Variants in SMIM43 observed in about 807,000 individuals in gnomAD.
SMIM43 encodes the protein Nodal Enhanced MEsendoderm Peptide.
In SMIM43 at chr4:121,761,809, CT is replaced by C. The variant is rs745920249; in HGVS notation, c.*341+20del. 1 of 1,612,520 alleles carries C rather than the reference CT, an allele frequency of 6.2e-7. No homozygotes were observed. Among genetic ancestry groups the C allele is most frequent in the Non-Finnish European group, 8.5e-7 (1 of 1,178,980 alleles). Reference sequence around the variant, plus strand: ...AAAATGGTTATCTTGCCAAGTAGAACTGCAGATCCATTGCACTTACAAGTTT... The same window carrying C: ...AAAATGGTTATCTTGCCAAGTAGAACGCAGATCCATTGCACTTACAAGTTT... On this transcript the variant is annotated intron_variant, in intron 4 of 5. Coordinates refer to ENST00000643802, the MANE Select transcript of SMIM43 (RefSeq NM_001384332.1).
intron 5 of SMIM43, 76 bp downstream of exon 5, chr4:121,761,462 G>A (rs1726056577): frequency 6.9e-7 from 1 of 1,439,714 alleles, no homozygotes; most frequent in Non-Finnish European, 9.3e-7. Flanking sequence ...CTATTGCACT[G>A]ATTTTGAAAC....
At chr4:121,760,573 C>T (rs1726006954) in intron 5 of SMIM43, 99 bp from the exon 6 acceptor site, 1 of 1,407,140 alleles carries the variant, frequency 7.1e-7, no homozygotes. Flanking sequence ...CCTCTAACCT[C>T]CTTGTTCTGT....
At chr4:121,760,578 T>C (rs1726007274) in intron 5 of SMIM43, 104 bp from the exon 6 acceptor site, 2 of 1,404,566 alleles carry the variant, frequency 1.4e-6, no homozygotes, top group Middle Eastern at 2.6e-4. Context: ...AACCTCCTTG[T>C]TCTGTGAGAA....
rs1726244120 is a variant in SMIM43, at chr4:121,764,492, T to C, written c.*97+325A>G. 1.9e-5 allele frequency: 3 copies of C among 159,924 alleles called. No homozygotes were observed. In the South Asian group the frequency reaches 6.1e-4, roughly 33 times the overall value. 9.9% of individuals were successfully genotyped at this position (159,924 alleles called of 1,614,324 possible). ...GGATATTCAGGTTAACCTGCGATTT[T>C]GTTCGAAAGTGGCTAAACTGCATTA... On this transcript the variant is annotated intron_variant, in intron 1 of 5. Coordinates refer to ENST00000643802, the MANE Select transcript of SMIM43 (RefSeq NM_001384332.1).
At chr4:121,762,122 G>T (rs1726104221) in intron 3 of SMIM43, among the ~76,000 whole-genome samples, 1 of 152,094 alleles carries the variant, frequency 6.6e-6, no homozygotes, top group Admixed American at 6.6e-5. Context: ...CTTTTCAAGT[G>T]CTTTAATGTC....
At position 121,760,197 on chromosome 4, in the gene SMIM43, T is replaced by C; in HGVS notation, c.*777A>G. ...CTGTAGCCAGGGCATAAAATGTTAGTTGTCCTCCCAAGATCCACCATCATC... is the reference window on the plus strand; with the variant it reads ...CTGTAGCCAGGGCATAAAATGTTAGCTGTCCTCCCAAGATCCACCATCATC... On this transcript the variant is annotated 3_prime_UTR_variant, in exon 6 of 6. Coordinates refer to ENST00000643802, the MANE Select transcript of SMIM43 (RefSeq NM_001384332.1). The C allele has an allele frequency of 6.6e-7, 1 of 1,506,784 alleles. No individual in the cohort carries two copies. The highest frequency in any genetic ancestry group is 2.3e-5 in the East Asian group (1 of 43,426). 93.3% of individuals were successfully genotyped at this position (1,506,784 alleles called of 1,614,324 possible). A position where few individuals can be genotyped will look rare whatever the true frequency, so the allele number is the denominator to read the frequency against.
chr4:121,761,162 C>T (rs1233231018), intron 5 of SMIM43, among the ~76,000 whole-genome samples: 3 of 151,818 alleles, frequency 2.0e-5, no homozygotes, highest in Non-Finnish European at 4.4e-5. Context: ...CAACTCAATT[C>T]TTAACCTTCT....
At position 121,760,147 on chromosome 4, in the gene SMIM43, C is replaced by A; in HGVS notation, c.*827G>T. On this transcript the variant is annotated 3_prime_UTR_variant, in exon 6 of 6. Transcript: ENST00000643802. ...GAACTAGAGTTTTGATCTTTTTGAACTTTATGCTCCTCTGCAACTGTATTC... is the reference window on the plus strand; with the variant it reads ...GAACTAGAGTTTTGATCTTTTTGAAATTTATGCTCCTCTGCAACTGTATTC... The A allele has an allele frequency of 7.7e-7, 1 of 1,292,418 alleles. No individual in the cohort carries two copies. Among genetic ancestry groups the A allele is most frequent in the Admixed American group, 2.5e-5 (1 of 40,180 alleles). The allele number at this position is 1,292,418 out of a possible 1,614,324, so 80.1% of individuals were successfully genotyped here.
At chr4:121,765,262 G>T, upstream of SMIM43, 1 of 376,438 alleles carries the variant, frequency 2.7e-6, no homozygotes, top group East Asian at 3.9e-5. Context: ...TGCCTCCCCC[G>T]GCTCCGAGGA....
At position 121,760,591 on chromosome 4, in the gene SMIM43, G is replaced by A. The variant is rs1473043511; in HGVS notation, c.*500-117C>T. On this transcript the variant is annotated intron_variant, in intron 5 of 5. Transcript: ENST00000643802. ...CTAACCTCCTTGTTCTGTGAGAAAAGAACAAACCCTCTAATTTATTTAAGC... is the reference window on the plus strand; with the variant it reads ...CTAACCTCCTTGTTCTGTGAGAAAAAAACAAACCCTCTAATTTATTTAAGC... 3.2e-5 allele frequency: 44 copies of A among 1,373,856 alleles called. No homozygotes were observed. The East Asian group carries it at 1.1e-3, about 34-fold the overall frequency. 85.1% of individuals were successfully genotyped at this position (1,373,856 alleles called of 1,614,324 possible).
Position 121,760,147 on chromosome 4 carries a change from C to T in SMIM43, c.*827G>A, listed in dbSNP as rs1283175132. The T allele has an allele frequency of 1.9e-5, 24 of 1,292,424 alleles. No individual in the cohort carries two copies. Among genetic ancestry groups the T allele is most frequent in the Non-Finnish European group, 2.0e-5 (19 of 952,716 alleles). 80.1% of individuals were successfully genotyped at this position (1,292,424 alleles called of 1,614,324 possible). On this transcript the variant is annotated 3_prime_UTR_variant, in exon 6 of 6. Coordinates refer to ENST00000643802, the MANE Select transcript of SMIM43 (RefSeq NM_001384332.1). The stretch of plus-strand genomic sequence containing the variant: ...GAACTAGAGTTTTGATCTTTTTGAA[C>T]TTTATGCTCCTCTGCAACTGTATTC...
rs973299754 is a variant in SMIM43 at position 121,760,221 on chromosome 4, T to C, written c.*753A>G. On this transcript the variant is annotated 3_prime_UTR_variant, in exon 6 of 6. Transcript: ENST00000643802. Reference sequence around the variant, plus strand: ...GTTGTCCTCCCAAGATCCACCATCATCTTCTTCTTCATCAAGAGAAACTGG... The same window carrying C: ...GTTGTCCTCCCAAGATCCACCATCACCTTCTTCTTCATCAAGAGAAACTGG... The C allele has an allele frequency of 6.5e-7, 1 of 1,532,920 alleles. No homozygotes were observed. Among genetic ancestry groups the C allele is most frequent in the Non-Finnish European group, 8.8e-7 (1 of 1,142,690 alleles). 95.0% of individuals were successfully genotyped at this position (1,532,920 alleles called of 1,614,324 possible).
intron 5 of SMIM43, 77 bp downstream of exon 5, chr4:121,761,461 T>A: frequency 7.0e-7 from 1 of 1,436,700 alleles, no homozygotes; most frequent in Non-Finnish European, 9.3e-7. Flanking sequence ...TCTATTGCAC[T>A]GATTTTGAAA....
chr4:121,762,011 C>T (rs1726100207), intron 3 of SMIM43, 119 bp from the exon 4 acceptor site: 2 of 825,138 alleles, frequency 2.4e-6, no homozygotes, highest in African/African-American at 1.8e-5. Flanking sequence ...TCTAACATTG[C>T]TGAAGAATCA....
chr4:121,760,524 A>C, intron 5 of SMIM43, 50 bp from the exon 6 acceptor site: 1 of 1,473,814 alleles, frequency 6.8e-7, no homozygotes, highest in South Asian at 1.4e-5. Context: ...ATTAAGCCTG[A>C]CACCCGTGAG....
upstream of SMIM43, chr4:121,765,233 G>A: frequency 2.6e-6 from 1 of 381,268 alleles, no homozygotes; most frequent in Non-Finnish European, 4.6e-6. Context: ...TATGGGCGCC[G>A]ACTCCGGGGT....
chr4:121,764,813 G>A lies in SMIM43; in HGVS notation c.*97+4C>T. 2.5e-6 allele frequency: 1 copy of A among 395,636 alleles called. No homozygotes were observed. Among genetic ancestry groups the A allele is most frequent in the Non-Finnish European group, 4.5e-6 (1 of 224,580 alleles). The allele number at this position is 395,636 out of a possible 1,614,324, so 24.5% of individuals were successfully genotyped here. On this transcript the variant is annotated splice_donor_region_variant and intron_variant, in intron 1 of 5. Coordinates refer to ENST00000643802, the MANE Select transcript of SMIM43 (RefSeq NM_001384332.1). ...GGACCCGTCAGAGCCGCCGAGCCCC[G>A]CACCTGGAAGCTGGGAGGCCGCGAG...
rs1726278173 is a variant in SMIM43 at position 121,764,980 on chromosome 4, C to A, written c.126G>T (p.Ala42=). 3 of 398,488 alleles carry A rather than the reference C, an allele frequency of 7.5e-6. No individual in the cohort carries two copies. Among genetic ancestry groups the A allele is most frequent in the East Asian group, 3.6e-5 (1 of 28,068 alleles). 24.7% of individuals were successfully genotyped at this position (398,488 alleles called of 1,614,324 possible). ...LKNSVANTAG[A]LQPGRLSVHR... is the part of the protein sequence containing the mutation. The stretch of plus-strand genomic sequence containing the variant: ...GCACCGAGAGGCGCCCGGGCTGGAG[C>A]GCCCCGGCCGTGTTGGCCACGGAGT... The change falls in exon 1 of 6, where the codon GCG becomes GCT. Residue 42 remains alanine, a synonymous_variant. Transcript: ENST00000643802.
Position 121,758,979 on chromosome 4 carries a change from T to C in SMIM43, c.*1995A>G, listed in dbSNP as rs1201939390. On this transcript the variant is annotated 3_prime_UTR_variant, in exon 6 of 6. Transcript: ENST00000643802. ...TTATTTCATAGCCTTTTAAAAAATA[T>C]AAGCCACCTAATATTTTGAAAAACA... 1 of 152,178 alleles carries C rather than the reference T, an allele frequency of 6.6e-6. No homozygotes were observed. The highest frequency in any genetic ancestry group is 1.5e-5 in the Non-Finnish European group (1 of 68,026). 9.4% of individuals were successfully genotyped at this position (152,178 alleles called of 1,614,324 possible). A position where few individuals can be genotyped will look rare whatever the true frequency, so the allele number is the denominator to read the frequency against.
Sources: allele counts gnomAD v4.1 joint callset (sites outside exome capture counted in the v4.1 genomes callset), GRCh38; gene constraint gnomAD v4.1.1; transcripts MANE v1.5; gene names NCBI Gene and HGNC (gene_info 2026-07-23, HGNC 2026-07-21).